Variants in KIF26B observed in about 807,000 individuals in gnomAD.
KIF26B encodes the protein kinesin family member 26B.
Under a neutral mutation model 151.2 loss-of-function variants are expected in KIF26B, and 63 were observed. The ratio of observed to expected loss-of-function variants is 0.42; its 90% CI spans 0.34 to 0.51. The LOEUF is 0.51. KIF26B is among the 20% of genes least tolerant of loss of function. The probability of loss-of-function intolerance (pLI) is 0.07; values close to 1 mark genes in which losing one functional copy is unlikely to be tolerated. For missense variants in KIF26B, 2,813 were observed against 2,913.6 expected (o/e 0.97, Z 0.79); for synonymous variants, 1,357 against 1,262.1 (o/e 1.08, Z -1.59).
Position 245,609,395 on chromosome 1 carries a change from G to A in KIF26B, c.1781G>A (p.Arg594Gln), listed in dbSNP as rs1390165921. The A allele has an allele frequency of 3.1e-6, 5 of 1,609,360 alleles. No homozygotes were observed. Among genetic ancestry groups the A allele is most frequent in the Non-Finnish European group, 4.2e-6 (5 of 1,178,042 alleles). The change falls in exon 8 of 15, where the codon CGG becomes CAG. Residue 594 changes from arginine to glutamine, a missense_variant. Physicochemically the swap from Arg to Gln is conservative, Grantham distance 43. Coordinates refer to ENST00000407071, the MANE Select transcript of KIF26B (RefSeq NM_018012.4). Reference sequence around the variant, plus strand: ...AAGACCGGCGCCCGTTTCTCAGTCCGGGTTTCCGCCGTGGAAGTGTGGGGG... The same window carrying A: ...AAGACCGGCGCCCGTTTCTCAGTCCAGGTTTCCGCCGTGGAAGTGTGGGGG... ...KEKTGARFSV[R>Q]VSAVEVWGKE...
chr1:245,692,235 C>T (rs2044634734), intron 12 of KIF26B, among the ~76,000 whole-genome samples: 1 of 152,032 alleles, frequency 6.6e-6, no homozygotes, highest in South Asian at 2.1e-4. Flanking sequence ...GAGGTGGAGG[C>T]AGCCGGCACA....
At position 245,683,628 on chromosome 1, in the gene KIF26B, C is replaced by CTCTCTCTGTGT. The variant is rs1491457177; in HGVS notation, c.2259-603_2259-593dup. On this transcript the variant is annotated intron_variant, in intron 10 of 14. Coordinates refer to ENST00000407071, the MANE Select transcript of KIF26B (RefSeq NM_018012.4). The stretch of plus-strand genomic sequence containing the variant: ...TTGTGGATAGAGTGACTGGCTGGGC[C>CTCTCTCTGTGT]TCTCTCTGTGTTTCTCCCCTAGTCT... Among the ~76,000 whole-genome samples, 19 of 152,316 alleles carry CTCTCTCTGTGT rather than the reference C, an allele frequency of 1.2e-4. No homozygotes were observed. The South Asian group carries it at 3.5e-3, about 28-fold the overall frequency.
chr1:245,553,138 G>A (rs540552497), intron 5 of KIF26B, among the ~76,000 whole-genome samples: 1 of 152,236 alleles, frequency 6.6e-6, no homozygotes, highest in Admixed American at 6.5e-5. Context: ...TGTTCAGAAG[G>A]CTCCATCCTC....
chr1:245,325,084 G>A (rs1303432786), intron 2 of KIF26B, among the ~76,000 whole-genome samples: 4 of 125,012 alleles, frequency 3.2e-5, no homozygotes, highest in Non-Finnish European at 4.7e-5. Context: ...GACAAAGCCA[G>A]ACCTTGTCTC....
chr1:245,165,123 A>G (rs1668594577), intron 2 of KIF26B, among the ~76,000 whole-genome samples: 1 of 152,018 alleles, frequency 6.6e-6, no homozygotes, highest in Non-Finnish European at 1.5e-5. Context: ...GGGTTGGAAG[A>G]GTGGTGTCAC....
intron 3 of KIF26B, among the ~76,000 whole-genome samples, chr1:245,407,258 T>A (rs1017467413): frequency 6.6e-6 from 1 of 152,146 alleles, no homozygotes; most frequent in Non-Finnish European, 1.5e-5. Context: ...CCCTTTAGCC[T>A]CTGGGTTTGG....
rs1670282404 is a variant in KIF26B, at chr1:245,244,715, TCTG to T, written c.465+88033_465+88035del. Among the ~76,000 whole-genome samples, 1 of 151,132 alleles carries T rather than the reference TCTG, an allele frequency of 6.6e-6. No individual in the cohort carries two copies. ...TTCCTTGTAACCAGACTTCAAACTA[TCTG>T]AAAACGTTTGTGAGAAGGAACACAC... On this transcript the variant is annotated intron_variant, in intron 2 of 14. Coordinates refer to ENST00000407071, the MANE Select transcript of KIF26B (RefSeq NM_018012.4). This position sits in a 1 kb window ranked among gnomAD's most constrained non-coding sequence, Gnocchi z 4.2.
intron 4 of KIF26B, among the ~76,000 whole-genome samples, chr1:245,499,996 C>A (rs112448053): frequency 0.011 from 1,660 of 152,312 alleles, 42 homozygotes; most frequent in African/African-American, 0.038. Flanking sequence ...ACTTCCAATG[C>A]GCACTTTGTT....
Position 245,540,988 on chromosome 1 carries a change from G to A in KIF26B, c.1350+38G>A, listed in dbSNP as rs781246701. On this transcript the variant is annotated intron_variant, in intron 5 of 14. Transcript: ENST00000407071. The surrounding 1 kb of genome is among the most constrained non-coding windows in gnomAD (Gnocchi z 4.6). Reference sequence around the variant, plus strand: ...GCCGTCCCTGCCATTTGCCCAGTGTGCGAGGTTCTGGATCAAGTTTCAGGA... The same window carrying A: ...GCCGTCCCTGCCATTTGCCCAGTGTACGAGGTTCTGGATCAAGTTTCAGGA... The A allele has an allele frequency of 1.7e-4, 269 of 1,555,056 alleles. No homozygotes were observed. Among genetic ancestry groups the A allele is most frequent in the Non-Finnish European group, 2.3e-4 (258 of 1,143,630 alleles).
chr1:245,567,183 C>A (rs1489582129), intron 5 of KIF26B, among the ~76,000 whole-genome samples: 1 of 152,130 alleles, frequency 6.6e-6, no homozygotes, highest in Non-Finnish European at 1.5e-5. Context: ...TAAGCAGACC[C>A]ACAAAAGCCA....
chr1:245,442,979 C>A (rs1659148914), intron 4 of KIF26B, among the ~76,000 whole-genome samples: 1 of 54,478 alleles, frequency 1.8e-5, no homozygotes, highest in African/African-American at 9.2e-5. Flanking sequence ...ATCTCCCTCA[C>A]TGTTCACCTA....
chr1:245,192,331 G>GT (rs1669124199), intron 2 of KIF26B, among the ~76,000 whole-genome samples: 1 of 151,180 alleles, frequency 6.6e-6, no homozygotes, highest in African/African-American at 2.4e-5. Flanking sequence ...GGTCTAGACA[G>GT]TTTAAAACTT....
chr1:245,533,094 C>T lies in KIF26B; in HGVS notation c.1167-7673C>T, dbSNP rs560034430. On this transcript the variant is annotated intron_variant, in intron 4 of 14. Transcript: ENST00000407071. ...TACCTTCTCCCACTGTGTCATGGAC[C>T]GGATGGTTTTTCTAGGGGCTGCTGT... Among the ~76,000 whole-genome samples, 12 of 152,254 alleles carry T rather than the reference C, an allele frequency of 7.9e-5. No individual in the cohort carries two copies. The South Asian group carries it at 1.7e-3, about 21-fold the overall frequency.
intron 2 of KIF26B, among the ~76,000 whole-genome samples, chr1:245,272,882 A>G (rs1227111023): frequency 1.3e-5 from 2 of 152,156 alleles, no homozygotes; most frequent in South Asian, 2.1e-4. Context: ...GTTGAAAAAA[A>G]TGTGGTATGA....
Position 245,244,662 on chromosome 1 carries a change from C to G in KIF26B, c.465+87979C>G, listed in dbSNP as rs77893603. On this transcript the variant is annotated intron_variant, in intron 2 of 14. Coordinates refer to ENST00000407071, the MANE Select transcript of KIF26B (RefSeq NM_018012.4). This position sits in a 1 kb window ranked among gnomAD's most constrained non-coding sequence, Gnocchi z 4.2. ...CAATGTGACACCCGTCTTCTCTGTC[C>G]TCTCTCTTCATACTGTTGTCTTAGG... 6.6e-6 allele frequency among the ~76,000 whole-genome samples: 1 copy of G among 151,804 alleles called. No homozygotes were observed.
intron 9 of KIF26B, among the ~76,000 whole-genome samples, chr1:245,616,248 C>A (rs533024767): frequency 2.0e-4 from 30 of 152,216 alleles, no homozygotes; most frequent in Non-Finnish European, 4.0e-4. Flanking sequence ...CTTAAAATAT[C>A]TCCCTGTTTA....
chr1:245,365,098 G>A (rs747024083), intron 2 of KIF26B, among the ~76,000 whole-genome samples: 4 of 152,192 alleles, frequency 2.6e-5, no homozygotes, highest in Non-Finnish European at 4.4e-5. Flanking sequence ...CTGTTTTTCT[G>A]TAAACTGAGG....
chr1:245,604,357 G>A (rs1057124095), intron 6 of KIF26B, among the ~76,000 whole-genome samples: 7 of 152,276 alleles, frequency 4.6e-5, no homozygotes, highest in South Asian at 2.1e-4. Flanking sequence ...ATATTACACC[G>A]TGGGCACACA....
intron 2 of KIF26B, among the ~76,000 whole-genome samples, chr1:245,254,675 T>G (rs1670502740): frequency 6.6e-6 from 1 of 152,148 alleles, no homozygotes; most frequent in African/African-American, 2.4e-5. Flanking sequence ...TTGATCTCAG[T>G]TACGTGCTAT....
Sources: allele counts gnomAD v4.1 joint callset (sites outside exome capture counted in the v4.1 genomes callset), GRCh38; gene constraint gnomAD v4.1.1; non-coding constraint Gnocchi (gnomAD v3.1); transcripts MANE v1.5; gene names NCBI Gene and HGNC (gene_info 2026-07-23, HGNC 2026-07-21).